The following ZNF195 variants were observed in gnomAD, a reference collection of about 807,000 sequenced individuals.
ZNF195 encodes the protein zinc finger protein 195.
A neutral mutation model predicts 19.5 loss-of-function variants in ZNF195; 11 were observed. That is an observed-to-expected ratio of 0.57 (90% CI 0.36 to 0.94). The LOEUF (loss-of-function observed/expected upper bound fraction) is 0.94, where lower values mean the gene tolerates loss of function less well. Ranked by LOEUF, ZNF195 falls within the 40% of genes least tolerant of loss-of-function variation. The pLI, the probability that ZNF195 is intolerant of heterozygous loss-of-function variation, is 0.01. For missense variants in ZNF195, 582 were observed against 709.0 expected, an observed-to-expected ratio of 0.82 and a Z score of 2.03; for synonymous variants, 214 against 248.1, an observed-to-expected ratio of 0.86 and a Z score of 1.29.
intron 1 of ZNF195, 151 bp downstream of exon 1, chr11:3,378,887 G>T: frequency 9.9e-7 from 1 of 1,011,958 alleles, no homozygotes. Flanking sequence ...GCGCCGGGGC[G>T]CGCGGGGCCC....
At chr11:3,362,675 A>G in intron 3 of ZNF195, 1 of 446,534 alleles carries the variant, frequency 2.2e-6, no homozygotes, top group Non-Finnish European at 4.1e-6. Flanking sequence ...CAAAAAGGAA[A>G]GAGAGAAAGA....
chr11:3,361,938 A>G (rs1466121216), intron 3 of ZNF195, 49 bp from the exon 4 acceptor site: 1 of 413,468 alleles, frequency 2.4e-6, no homozygotes, highest in Non-Finnish European at 4.8e-6. Context: ...GCACACTTGT[A>G]GTCCCAACTA....
intron 1 of ZNF195, among the ~76,000 whole-genome samples, chr11:3,375,251 T>A (rs908409515): frequency 6.6e-6 from 1 of 152,304 alleles, no homozygotes; most frequent in East Asian, 1.9e-4. Context: ...ATTCTGTTTT[T>A]CCTAAAACTG....
At chr11:3,377,856 A>G in intron 1 of ZNF195, 1 of 988,906 alleles carries the variant, frequency 1.0e-6, no homozygotes. Flanking sequence ...TCAAGTTTCC[A>G]AAGTGGAACC....
Position 3,371,473 on chromosome 11 carries a change from G to C in ZNF195, c.130+104C>G. 4.8e-6 allele frequency: 7 copies of C among 1,451,244 alleles called. No individual in the cohort carries two copies. In the South Asian group the frequency reaches 8.6e-5, roughly 18 times the overall value. 89.9% of individuals were successfully genotyped at this position (1,451,244 alleles called of 1,614,324 possible). A position where few individuals can be genotyped will look rare whatever the true frequency, so the allele number is the denominator to read the frequency against. On this transcript the variant is annotated intron_variant, in intron 2 of 5. Coordinates refer to ENST00000399602, the MANE Select transcript of ZNF195 (RefSeq NM_001130520.3). ...ATGTTTTTCTTAAAAGCAGGGATCT[G>C]AAACTCATTCATGCAACGCAGAAAC...
intron 3 of ZNF195, among the ~76,000 whole-genome samples, chr11:3,364,439 G>A (rs1848769746): frequency 6.6e-6 from 1 of 151,974 alleles, no homozygotes; most frequent in Non-Finnish European, 1.5e-5. Context: ...TCATAATGAT[G>A]GTGTAAAAAA....
Position 3,378,121 on chromosome 11 carries a change from C to A in ZNF195, c.3+917G>T, listed in dbSNP as rs1162239155. 6.6e-5 allele frequency among the ~76,000 whole-genome samples: 10 copies of A among 152,162 alleles called. No individual in the cohort carries two copies. The East Asian group carries it at 1.7e-3, about 26-fold the overall frequency. On this transcript the variant is annotated intron_variant, in intron 1 of 5. Coordinates refer to ENST00000399602, the MANE Select transcript of ZNF195 (RefSeq NM_001130520.3). Reference sequence around the variant, plus strand: ...GGTCAGGAGTTCAAGACCAGCCTGGCCAACATGGTGAAACCCCGTCTCTAC... The same window carrying A: ...GGTCAGGAGTTCAAGACCAGCCTGGACAACATGGTGAAACCCCGTCTCTAC...
In ZNF195 at chr11:3,359,173, C is replaced by A; in HGVS notation, c.1835G>T (p.Gly612Val). The change falls in exon 6 of 6, where the codon GGC becomes GTC. Residue 612 changes from glycine (G) to valine (V), a missense_variant. Coordinates refer to ENST00000399602, the MANE Select transcript of ZNF195 (RefSeq NM_001130520.3). The surrounding 1 kb of genome is among the most constrained non-coding windows in gnomAD (Gnocchi z 5.5). ...GEKPYKCEKC[G>V]KAFTQFSHLT... Reference sequence around the variant, plus strand: ...GTGTGAGAACTGGGTGAAGGCTTTGCCACACTTTTCACACTTGTAGGGTTT... The same window carrying A: ...GTGTGAGAACTGGGTGAAGGCTTTGACACACTTTTCACACTTGTAGGGTTT... The A allele has an allele frequency of 6.2e-7, 1 of 1,610,358 alleles. No homozygotes were observed. Among genetic ancestry groups the A allele is most frequent in the Non-Finnish European group, 8.5e-7 (1 of 1,178,258 alleles).
At chr11:3,373,631 G>A (rs970239006) in intron 1 of ZNF195, 1 of 1,549,546 alleles carries the variant, frequency 6.5e-7, no homozygotes, top group Admixed American at 2.0e-5. Context: ...TTTCCTCTTA[G>A]GAAAGATTCT....
At chr11:3,373,227 T>A (rs548120655) in intron 1 of ZNF195, among the ~76,000 whole-genome samples, 2 of 152,318 alleles carry the variant, frequency 1.3e-5, no homozygotes, top group South Asian at 4.1e-4. Flanking sequence ...AGAGTGCACA[T>A]TTCCCTTCTT....
At chr11:3,372,322 TCTC>T (rs1031350470) in intron 1 of ZNF195, among the ~76,000 whole-genome samples, 1 of 152,136 alleles carries the variant, frequency 6.6e-6, no homozygotes, top group African/African-American at 2.4e-5. Context: ...AATTAGTAAA[TCTC>T]CTCAAGGTAC....
At chr11:3,376,333 G>GA (rs897208883) in intron 1 of ZNF195, among the ~76,000 whole-genome samples, 1,470 of 136,972 alleles carry the variant, frequency 0.011, 10 homozygotes, top group African/African-American at 0.024. Flanking sequence ...GCTGATAACT[G>GA]AAAAAAAAAA....
At chr11:3,374,562 C>G (rs371507153) in intron 1 of ZNF195, among the ~76,000 whole-genome samples, 47 of 152,326 alleles carry the variant, frequency 3.1e-4, no homozygotes, top group African/African-American at 1.1e-3. Context: ...TAAGCAGGCA[C>G]GGGGTGCTCG....
At chr11:3,364,412 TATATA>T (rs780806958) in intron 3 of ZNF195, among the ~76,000 whole-genome samples, 18 of 152,294 alleles carry the variant, frequency 1.2e-4, no homozygotes, top group Admixed American at 3.3e-4. Flanking sequence ...TATAAGCAGA[TATATA>T]ATACTTTACT....
intron 3 of ZNF195, 193 bp from the exon 4 acceptor site, chr11:3,362,082 A>G (rs1276549451): frequency 2.3e-6 from 1 of 430,882 alleles, no homozygotes; most frequent in Non-Finnish European, 4.7e-6. Flanking sequence ...ACCTGAAGCA[A>G]GAAGGGAATT....
At position 3,359,760 on chromosome 11, in the gene ZNF195, G is replaced by C; in HGVS notation, c.1248C>G (p.Asp416Glu). The C allele has an allele frequency of 1.2e-6, 2 of 1,614,194 alleles. No individual in the cohort carries two copies. Among genetic ancestry groups the C allele is most frequent in the Non-Finnish European group, 1.7e-6 (2 of 1,180,036 alleles). ...GGTCTGAGAACCACTTGAAGATGCT[G>C]TCACATTCCTCACATTTGAAAGGTT... ...GGKPFKCEECDSIFKWFSDLT... is the reference protein window; with the variant it reads ...GGKPFKCEECESIFKWFSDLT... The change falls in exon 6 of 6, where the codon GAC (aspartate) becomes GAG (glutamate). Residue 416 changes from aspartate to glutamate, a missense_variant. Physicochemically the swap from Asp to Glu is conservative, Grantham distance 45 (BLOSUM62 2). Around this residue, in one of 3 missense-constraint regions of ZNF195, gnomAD observed 407 missense variants for 530.5 expected, o/e 0.77. Transcript: ENST00000399602. This position sits in a 1 kb window ranked among gnomAD's most constrained non-coding sequence, Gnocchi z 5.5.
intron 1 of ZNF195, chr11:3,377,669 C>A: frequency 8.1e-7 from 1 of 1,241,558 alleles, no homozygotes; most frequent in Non-Finnish European, 1.0e-6. Flanking sequence ...GGGCATCCAG[C>A]TGCTCCCTGG....
At position 3,359,361 on chromosome 11, in the gene ZNF195, G is replaced by C; in HGVS notation, c.1647C>G (p.Pro549=). The change falls in exon 6 of 6, where the codon CCC becomes CCG. Residue 549 remains proline (P), a synonymous_variant. Coordinates refer to ENST00000399602, the MANE Select transcript of ZNF195 (RefSeq NM_001130520.3). This position sits in a 1 kb window ranked among gnomAD's most constrained non-coding sequence, Gnocchi z 5.5. ...VHKRIHTGEK[P]YKCEECGRVF... is the part of the protein sequence containing the mutation. ...CTCTGCCACATTCTTCACACTTGTAGGGTTTCTCTCCAGTATGAATTCTCT... is the reference window on the plus strand; with the variant it reads ...CTCTGCCACATTCTTCACACTTGTACGGTTTCTCTCCAGTATGAATTCTCT... The C allele has an allele frequency of 1.2e-6, 2 of 1,613,972 alleles. No individual in the cohort carries two copies. The highest frequency in any genetic ancestry group is 3.3e-5 in the Admixed American group (2 of 59,998).
At chr11:3,363,511 A>G (rs571789750) in intron 3 of ZNF195, 1 of 152,370 alleles carries the variant, frequency 6.6e-6, no homozygotes, top group East Asian at 1.9e-4. Context: ...AAAATCACAA[A>G]TATATGGAAA....
Sources: allele counts gnomAD v4.1 joint callset (sites outside exome capture counted in the v4.1 genomes callset), GRCh38; gene constraint gnomAD v4.1.1; regional missense constraint gnomAD v4.1.1; non-coding constraint Gnocchi (gnomAD v3.1); transcripts MANE v1.5; gene names NCBI Gene and HGNC (gene_info 2026-07-23, HGNC 2026-07-21).